Variants in ZNF475 observed in about 807,000 individuals in gnomAD.
The protein encoded by ZNF475 is zinc finger protein 475.
At chr5:122,178,967 T>C in the ZNF475 span, among the ~76,000 whole-genome samples, 2 of 152,216 alleles carry the variant, frequency 1.3e-5, no homozygotes, top group Admixed American at 1.3e-4. Flanking sequence ...TAGCCAGTTT[T>C]CCCAATATCA....
At chr5:122,168,764 G>A in the ZNF475 span, among the ~76,000 whole-genome samples, 1 of 152,152 alleles carries the variant, frequency 6.6e-6, no homozygotes, top group Non-Finnish European at 1.5e-5. Context: ...TAATCTGATT[G>A]TGTCTCAAAG....
At chr5:122,179,786 T>C in the ZNF475 span, 4 of 1,233,078 alleles carry the variant, frequency 3.2e-6, no homozygotes, top group Non-Finnish European at 4.3e-6. Context: ...CTCTCTAAAC[T>C]AATAAGAGCA....
chr5:122,181,638 T>A, the ZNF475 span, among the ~76,000 whole-genome samples: 3 of 152,214 alleles, frequency 2.0e-5, no homozygotes, highest in African/African-American at 2.4e-5. Context: ...AAGTAATCTA[T>A]GTTGTGCCAA....
At chr5:122,173,362 C>G in the ZNF475 span, among the ~76,000 whole-genome samples, 2 of 152,118 alleles carry the variant, frequency 1.3e-5, no homozygotes, top group African/African-American at 4.8e-5. Context: ...CTCTTTTATC[C>G]AAACCTCTCT....
At chr5:122,179,628 C>A in the ZNF475 span, 1 of 1,534,252 alleles carries the variant, frequency 6.5e-7, no homozygotes, top group South Asian at 1.2e-5. Flanking sequence ...TATTAGCATT[C>A]ATGAGCCACA....
chr5:122,165,783 A>T, the ZNF475 span, among the ~76,000 whole-genome samples: 11 of 152,126 alleles, frequency 7.2e-5, no homozygotes, highest in African/African-American at 2.7e-4. Context: ...AAAGACCATT[A>T]AACTTTCTGC....
the ZNF475 span, among the ~76,000 whole-genome samples, chr5:122,178,277 G>A: frequency 1.3e-5 from 2 of 152,142 alleles, no homozygotes; most frequent in South Asian, 2.1e-4. Flanking sequence ...GGATTGCTGG[G>A]TCAAATGGTA....
chr5:122,169,226 G>A, the ZNF475 span, among the ~76,000 whole-genome samples: 1 of 152,300 alleles, frequency 6.6e-6, no homozygotes, highest in East Asian at 1.9e-4. Flanking sequence ...CTCCTGTACA[G>A]TTCTGCCATT....
the ZNF475 span, chr5:122,179,766 G>A: frequency 6.7e-5 from 94 of 1,397,994 alleles, no homozygotes; most frequent in Middle Eastern, 6.6e-4. Context: ...GTGCATAAGG[G>A]GAGACTTTTC....
At chr5:122,176,415 TC>T in the ZNF475 span, among the ~76,000 whole-genome samples, 1 of 152,204 alleles carries the variant, frequency 6.6e-6, no homozygotes, top group Non-Finnish European at 1.5e-5. Context: ...ACTCAACAGA[TC>T]CAGAACAAAA....
At chr5:122,165,012 T>G in the ZNF475 span, among the ~76,000 whole-genome samples, 2 of 152,160 alleles carry the variant, frequency 1.3e-5, no homozygotes, top group African/African-American at 4.8e-5. Flanking sequence ...ATAAAGTGAG[T>G]TCAATATGGT....
the ZNF475 span, among the ~76,000 whole-genome samples, chr5:122,174,994 T>C: frequency 2.6e-5 from 4 of 152,328 alleles, no homozygotes; most frequent in Non-Finnish European, 5.9e-5. Context: ...CATGCCACTT[T>C]TGAATTGTTA....
chr5:122,164,746 T>C, the ZNF475 span, among the ~76,000 whole-genome samples: 3 of 152,064 alleles, frequency 2.0e-5, no homozygotes, highest in African/African-American at 7.2e-5. Flanking sequence ...TGGAGAGTAG[T>C]TTTCAAAACT....
At chr5:122,180,295 C>G in the ZNF475 span, among the ~76,000 whole-genome samples, 1 of 152,212 alleles carries the variant, frequency 6.6e-6, no homozygotes, top group Non-Finnish European at 1.5e-5. Flanking sequence ...AGACAAGCAG[C>G]TGCCCAGTTC....
the ZNF475 span, among the ~76,000 whole-genome samples, chr5:122,173,476 G>A: frequency 3.3e-5 from 5 of 152,272 alleles, no homozygotes; most frequent in East Asian, 7.7e-4. Flanking sequence ...ACAATGAAGG[G>A]ATGGATGCCA....
At chr5:122,166,698 A>G in the ZNF475 span, among the ~76,000 whole-genome samples, 3 of 152,232 alleles carry the variant, frequency 2.0e-5, no homozygotes, top group Admixed American at 6.5e-5. Flanking sequence ...ACAGTATTCC[A>G]TGGTGTACAT....
At chr5:122,161,837 A>G in the ZNF475 span, among the ~76,000 whole-genome samples, 1 of 152,194 alleles carries the variant, frequency 6.6e-6, no homozygotes, top group East Asian at 1.9e-4. Flanking sequence ...ACATTCTCCA[A>G]CCATTTTCTT....
the ZNF475 span, among the ~76,000 whole-genome samples, chr5:122,167,309 T>C: frequency 6.6e-6 from 1 of 152,172 alleles, no homozygotes; most frequent in African/African-American, 2.4e-5. Flanking sequence ...TGGGGTTGCT[T>C]CCTAATGGAC....
chr5:122,182,521 A>G, the ZNF475 span: 1 of 1,529,996 alleles, frequency 6.5e-7, no homozygotes, highest in African/African-American at 1.4e-5. Flanking sequence ...GATGCTTTAA[A>G]TGAAGCTGCT....
Sources: gnomAD v4.1 joint callset for allele counts (sites outside exome capture counted in the v4.1 genomes callset) on GRCh38, gnomAD v4.1.1 for gene constraint, MANE v1.5 for transcripts, NCBI Gene and HGNC (gene_info 2026-07-23, HGNC 2026-07-21) for gene names.